NOS1AP: variants seen among roughly 807,000 people sequenced by gnomAD.
The protein encoded by NOS1AP is nitric oxide synthase 1 adaptor protein, also known as carboxyl-terminal PDZ ligand of neuronal nitric oxide synthase protein.
Under a neutral mutation model 56.2 loss-of-function variants are expected in NOS1AP, and 21 were observed. The observed-to-expected ratio is 0.37, with a 90% CI of 0.26 to 0.54. The LOEUF (loss-of-function observed/expected upper bound fraction) is 0.54. NOS1AP is among the 20% of genes least tolerant of loss of function. The pLI, the probability that NOS1AP is intolerant of heterozygous loss-of-function variation, is 0.84. For synonymous variants in NOS1AP, 270 were observed against 274.6 expected, an observed-to-expected ratio of 0.98 and a Z score of 0.17; for missense variants, 522 against 657.8, an observed-to-expected ratio of 0.79 and a Z score of 2.26.
At chr1:162,311,591 T>A (rs1007122668) in intron 4 of NOS1AP, among the ~76,000 whole-genome samples, 184 of 148,018 alleles carry the variant, frequency 1.2e-3, no homozygotes, top group Middle Eastern at 3.4e-3. Flanking sequence ...CTTTTTTTTT[T>A]TTAATTATAC....
intron 4 of NOS1AP, among the ~76,000 whole-genome samples, chr1:162,322,486 A>G (rs1656454089): frequency 6.6e-6 from 1 of 152,186 alleles, no homozygotes; most frequent in Non-Finnish European, 1.5e-5. Flanking sequence ...AGGTGGCATG[A>G]GAGGTATGGA....
intron 2 of NOS1AP, among the ~76,000 whole-genome samples, chr1:162,155,568 C>T (rs10800329): frequency 0.99 from 150,395 of 152,020 alleles, 74,417 homozygotes; most frequent in East Asian, 1. Context: ...GGAGTGTAAG[C>T]GCATTTTCTT....
At chr1:162,350,290 C>T (rs779088694) in intron 6 of NOS1AP, among the ~76,000 whole-genome samples, 3 of 152,262 alleles carry the variant, frequency 2.0e-5, no homozygotes, top group Non-Finnish European at 4.4e-5. Flanking sequence ...TCGTTTTCAG[C>T]AGTGCTTTCA....
chr1:162,191,239 G>A (rs1651631075), intron 2 of NOS1AP, among the ~76,000 whole-genome samples: 3 of 152,162 alleles, frequency 2.0e-5, no homozygotes, highest in South Asian at 2.1e-4. Flanking sequence ...ACATCAGATT[G>A]GAAAATATCC....
intron 4 of NOS1AP, among the ~76,000 whole-genome samples, chr1:162,328,879 G>A (rs1656678340): frequency 1.3e-5 from 2 of 152,216 alleles, no homozygotes; most frequent in South Asian, 2.1e-4. Flanking sequence ...ATGCTGGCTT[G>A]TATCCAGGCC....
intron 6 of NOS1AP, among the ~76,000 whole-genome samples, chr1:162,351,945 G>A (rs1424765490): frequency 6.6e-6 from 1 of 152,130 alleles, no homozygotes; most frequent in Non-Finnish European, 1.5e-5. Context: ...TTTCTCTGTA[G>A]TGCTCAGCCC....
chr1:162,357,946 A>C (rs763044627), intron 8 of NOS1AP, among the ~76,000 whole-genome samples: 1 of 148,548 alleles, frequency 6.7e-6, no homozygotes, highest in Non-Finnish European at 1.5e-5. Flanking sequence ...GAAGACATTC[A>C]TTCATACCCA....
At chr1:162,356,466 A>G (rs1657708592) in intron 7 of NOS1AP, among the ~76,000 whole-genome samples, 3 of 152,204 alleles carry the variant, frequency 2.0e-5, no homozygotes, top group Admixed American at 6.5e-5. Context: ...CCCTTCCTCC[A>G]GGACCCAGCT....
At chr1:162,157,518 C>T (rs141848609) in intron 2 of NOS1AP, among the ~76,000 whole-genome samples, 97 of 152,286 alleles carry the variant, frequency 6.4e-4, no homozygotes, top group Non-Finnish European at 1.1e-3. Flanking sequence ...TTATGTAGAA[C>T]GGTGCCAGGC....
intron 4 of NOS1AP, among the ~76,000 whole-genome samples, chr1:162,327,241 A>G (rs1656621035): frequency 1.3e-5 from 2 of 152,160 alleles, no homozygotes; most frequent in Non-Finnish European, 2.9e-5. Context: ...ACACTAGAAC[A>G]TATGTAATTT....
chr1:162,154,342 C>A, intron 1 of NOS1AP, 63 bp from the exon 2 acceptor site: 1 of 1,497,688 alleles, frequency 6.7e-7, no homozygotes, highest in Non-Finnish European at 9.3e-7. Flanking sequence ...CCCTTTGGAA[C>A]TTTCTGGGAT....
Position 162,300,726 on chromosome 1 carries a change from C to T in NOS1AP, c.344+20C>T, listed in dbSNP as rs759886792. 3.7e-6 allele frequency: 6 copies of T among 1,610,692 alleles called. No homozygotes were observed. Among genetic ancestry groups the T allele is most frequent in the African/African-American group, 2.7e-5 (2 of 74,812 alleles). On this transcript the variant is annotated intron_variant, in intron 4 of 9. Transcript: ENST00000361897. ...CTACAGGTAAGAGCCCAGTCCAGCACCCAAGATATCACTGAGCCCCAGAGT... is the reference window on the plus strand; with the variant it reads ...CTACAGGTAAGAGCCCAGTCCAGCATCCAAGATATCACTGAGCCCCAGAGT...
At chr1:162,314,654 G>C (rs1444974246) in intron 4 of NOS1AP, among the ~76,000 whole-genome samples, 2 of 152,232 alleles carry the variant, frequency 1.3e-5, no homozygotes, top group Admixed American at 1.3e-4. Context: ...GAGTCCATCA[G>C]ATGGTCTTGA....
At chr1:162,226,081 G>T (rs951253655) in intron 2 of NOS1AP, among the ~76,000 whole-genome samples, 1 of 151,868 alleles carries the variant, frequency 6.6e-6, no homozygotes, top group Non-Finnish European at 1.5e-5. Context: ...ATCACCTGAG[G>T]TTGGGAGTTC....
intron 1 of NOS1AP, among the ~76,000 whole-genome samples, chr1:162,088,705 G>A (rs1033657422): frequency 3.3e-5 from 5 of 152,158 alleles, no homozygotes; most frequent in African/African-American, 1.2e-4. Context: ...GGTTTGAGGT[G>A]TGCCCCCAAA....
At chr1:162,344,212 A>T (rs547162925) in intron 6 of NOS1AP, among the ~76,000 whole-genome samples, 1 of 152,366 alleles carries the variant, frequency 6.6e-6, no homozygotes, top group South Asian at 2.1e-4. Context: ...AGGGAGAGGT[A>T]GAGCTGCTAT....
intron 1 of NOS1AP, among the ~76,000 whole-genome samples, chr1:162,085,784 A>ATAC (rs1381619777): frequency 1.3e-5 from 2 of 152,196 alleles, no homozygotes; most frequent in African/African-American, 4.8e-5. Flanking sequence ...CACTGGGAAG[A>ATAC]TACTGACACG....
chr1:162,329,568 TGAA>T (rs1656700602), intron 4 of NOS1AP, among the ~76,000 whole-genome samples: 1 of 152,096 alleles, frequency 6.6e-6, no homozygotes, highest in Non-Finnish European at 1.5e-5. Flanking sequence ...AGGGTAAAGA[TGAA>T]GAAGGAAAGA....
intron 2 of NOS1AP, among the ~76,000 whole-genome samples, chr1:162,164,285 T>C (rs1650372045): frequency 6.6e-6 from 1 of 152,242 alleles, no homozygotes; most frequent in South Asian, 2.1e-4. Context: ...CTTTGGTTCA[T>C]GTTCTTGGTG....
Sources: gnomAD v4.1 joint callset for allele counts (sites outside exome capture counted in the v4.1 genomes callset) on GRCh38, gnomAD v4.1.1 for gene constraint, MANE v1.5 for transcripts, NCBI Gene and HGNC (gene_info 2026-07-23, HGNC 2026-07-21) for gene names.